EBF1: variants seen among roughly 807,000 people sequenced by gnomAD.
EBF1 encodes EBF transcription factor 1.
EBF1 carries 10 observed loss-of-function variants against 68.4 expected under a neutral mutation model. The ratio of observed to expected loss-of-function variants is 0.15; its 90% confidence interval spans 0.09 to 0.25. EBF1 has a LOEUF of 0.25. Ranked by LOEUF, EBF1 falls within the 10% of genes least tolerant of loss-of-function variation. The pLI, the probability that EBF1 is intolerant of heterozygous loss-of-function variation, is 1.00. For missense variants in EBF1, 509 were observed against 794.4 expected, an observed-to-expected ratio of 0.64 and a Z score of 4.32; for synonymous variants, 298 against 299.8, an observed-to-expected ratio of 0.99 and a Z score of 0.06.
At chr5:158,921,221 G>GTT (rs144455400) in intron 6 of EBF1, among the ~76,000 whole-genome samples, 3,789 of 152,312 alleles carry the variant, frequency 0.025, 175 homozygotes, top group African/African-American at 0.087. Context: ...TTTCGCCTAT[G>GTT]TTAGCCCTTA....
intron 10 of EBF1, among the ~76,000 whole-genome samples, chr5:158,767,804 T>C (rs930944147): frequency 5.9e-5 from 9 of 152,076 alleles, no homozygotes; most frequent in African/African-American, 2.2e-4. Context: ...AAGGAGGAGC[T>C]GAAAGCTCTA....
chr5:158,972,068 T>C (rs750765609), intron 6 of EBF1, among the ~76,000 whole-genome samples: 20 of 152,318 alleles, frequency 1.3e-4, no homozygotes, highest in South Asian at 2.1e-4. Context: ...CTGGGTTCTC[T>C]AGAGAATGAA....
At position 158,869,331 on chromosome 5, in the gene EBF1, C is replaced by G. The variant is rs73300056; in HGVS notation, c.555-29221G>C. On this transcript the variant is annotated intron_variant, in intron 6 of 15. Transcript: ENST00000313708. ...GCATAACAATGTGCTGTTGCTTATC[C>G]GGGAGGACCCAAAGGATCTGGATAC... Among the ~76,000 whole-genome samples the G allele has an allele frequency of 1.4e-3, 210 of 152,198 alleles. 1 individual carries two copies. The highest frequency in any genetic ancestry group is 4.8e-3 in the African/African-American group (201 of 41,518).
At chr5:159,090,253 G>GA (rs1781392104) in intron 4 of EBF1, among the ~76,000 whole-genome samples, 1 of 94,006 alleles carries the variant, frequency 1.1e-5, no homozygotes, top group African/African-American at 4.0e-5. Context: ...AAAAAAAAAA[G>GA]AAAGAAAAAA....
chr5:159,012,539 T>G (rs1047998641), intron 6 of EBF1, among the ~76,000 whole-genome samples: 1 of 151,834 alleles, frequency 6.6e-6, no homozygotes, highest in African/African-American at 2.4e-5. Flanking sequence ...CTGGATGGAG[T>G]GCAGTGGTGA....
At chr5:158,887,259 TAC>T (rs1217864796) in intron 6 of EBF1, among the ~76,000 whole-genome samples, 1 of 152,158 alleles carries the variant, frequency 6.6e-6, no homozygotes, top group Non-Finnish European at 1.5e-5. Flanking sequence ...ACCTAACAGG[TAC>T]AGAGACATCT....
At chr5:159,024,206 C>A (rs1767271879) in intron 6 of EBF1, among the ~76,000 whole-genome samples, 1 of 151,986 alleles carries the variant, frequency 6.6e-6, no homozygotes, top group Non-Finnish European at 1.5e-5. Context: ...GCAAAGAAGG[C>A]AGCAAGGTCA....
At chr5:158,836,038 A>G (rs567340818) in intron 7 of EBF1, among the ~76,000 whole-genome samples, 14 of 152,356 alleles carry the variant, frequency 9.2e-5, no homozygotes, top group African/African-American at 2.9e-4. Context: ...ATATAGACAC[A>G]GTTATCTTCC....
chr5:158,697,230 TTAAATCTACTGAAC>T lies in EBF1; in HGVS notation c.*1867_*1880del. On this transcript the variant is annotated 3_prime_UTR_variant, in exon 16 of 16. Coordinates refer to ENST00000313708, the MANE Select transcript of EBF1 (RefSeq NM_024007.5). ...TCCAAAGCAAAGGATACATTTTTTTTTAAATCTACTGAACTAAATACTACAAGAATAATATGCTA... is the reference window on the plus strand; with the variant it reads ...TCCAAAGCAAAGGATACATTTTTTTTTAAATACTACAAGAATAATATGCTA... 1.0e-5 allele frequency: 2 copies of T among 193,166 alleles called. No homozygotes were observed. Among genetic ancestry groups the T allele is most frequent in the African/African-American group, 4.6e-5 (2 of 43,128 alleles). The allele number at this position is 193,166 out of a possible 1,614,324, so 12.0% of individuals were successfully genotyped here.
At chr5:158,734,659 C>G (rs961932619) in intron 10 of EBF1, among the ~76,000 whole-genome samples, 1 of 151,980 alleles carries the variant, frequency 6.6e-6, no homozygotes, top group Non-Finnish European at 1.5e-5. Context: ...TCAGGAGGCA[C>G]CAGAAGAAAT....
At chr5:159,016,911 T>C (rs1053406073) in intron 6 of EBF1, among the ~76,000 whole-genome samples, 3 of 152,230 alleles carry the variant, frequency 2.0e-5, no homozygotes, top group Non-Finnish European at 4.4e-5. Context: ...CTTTGAGAGA[T>C]GACCTTAGAG....
At chr5:158,737,990 C>T (rs1363566008) in intron 10 of EBF1, among the ~76,000 whole-genome samples, 2 of 152,074 alleles carry the variant, frequency 1.3e-5, no homozygotes, top group African/African-American at 2.4e-5. Flanking sequence ...AATCACCTTA[C>T]TGTTTTTCTA....
intron 6 of EBF1, among the ~76,000 whole-genome samples, chr5:159,042,146 T>G (rs1280930639): frequency 6.6e-6 from 1 of 152,170 alleles, no homozygotes; most frequent in African/African-American, 2.4e-5. Context: ...AGCCATGGCA[T>G]GGAGGGATGC....
Position 159,095,690 on chromosome 5 carries a change from G to A in EBF1, c.356-15C>T. The A allele has an allele frequency of 1.2e-6, 2 of 1,613,936 alleles. No homozygotes were observed. The highest frequency in any genetic ancestry group is 1.7e-6 in the Non-Finnish European group (2 of 1,179,876). On this transcript the variant is annotated splice_polypyrimidine_tract_variant and intron_variant, in intron 3 of 15. Coordinates refer to ENST00000313708, the MANE Select transcript of EBF1 (RefSeq NM_024007.5). ...CGTCCTTATCCCTAGGGTTGGAAAT[G>A]GGGGAAGGGAGGAGAATTAAGTGAG...
intron 6 of EBF1, among the ~76,000 whole-genome samples, chr5:159,063,391 C>T (rs969562067): frequency 6.6e-6 from 1 of 152,194 alleles, no homozygotes; most frequent in African/African-American, 2.4e-5. Flanking sequence ...TAAAAGGTGA[C>T]TTTAACCCGG....
At chr5:158,985,459 G>A (rs1758837280) in intron 6 of EBF1, among the ~76,000 whole-genome samples, 1 of 152,224 alleles carries the variant, frequency 6.6e-6, no homozygotes, top group Admixed American at 6.5e-5. Flanking sequence ...CTAGACATCA[G>A]TATTTGCTTT....
At chr5:158,914,365 T>C (rs2127378874) in intron 6 of EBF1, among the ~76,000 whole-genome samples, 1 of 152,288 alleles carries the variant, frequency 6.6e-6, no homozygotes, top group Admixed American at 6.5e-5. Flanking sequence ...GCGTGGTTTG[T>C]GCTTTTGTCT....
chr5:158,946,402 T>G (rs965660400), intron 6 of EBF1, among the ~76,000 whole-genome samples: 9 of 152,230 alleles, frequency 5.9e-5, no homozygotes, highest in Non-Finnish European at 1.3e-4. Flanking sequence ...TTGATACTAT[T>G]GCTTTCTGTT....
In EBF1 at chr5:159,033,754, A is replaced by G. The variant is rs149787453; in HGVS notation, c.554+39642T>C. On this transcript the variant is annotated intron_variant, in intron 6 of 15. Coordinates refer to ENST00000313708, the MANE Select transcript of EBF1 (RefSeq NM_024007.5). Reference sequence around the variant, plus strand: ...AATGCATAAAATGCCCTACAGATAAAATTCCATCATATTTTCAAGTTACTG... The same window carrying G: ...AATGCATAAAATGCCCTACAGATAAGATTCCATCATATTTTCAAGTTACTG... Among the ~76,000 whole-genome samples the G allele has an allele frequency of 1.6e-3, 239 of 152,326 alleles. 1 individual carries two copies. Among genetic ancestry groups the G allele is most frequent in the African/African-American group, 5.1e-3 (214 of 41,564 alleles).
Sources: gnomAD v4.1 joint callset for allele counts (sites outside exome capture counted in the v4.1 genomes callset) on GRCh38, gnomAD v4.1.1 for gene constraint, MANE v1.5 for transcripts, NCBI Gene and HGNC (gene_info 2026-07-23, HGNC 2026-07-21) for gene names.